Variants in COX10 observed in about 807,000 individuals in gnomAD.
COX10 encodes the protein protoheme IX farnesyltransferase, mitochondrial.
In COX10, 27 loss-of-function variants were observed where a neutral mutation model predicts 37.3. That is an observed-to-expected ratio of 0.72 (90% CI 0.53 to 1.00). The LOEUF (loss-of-function observed/expected upper bound fraction) is 1.00. COX10 is among the 50% of genes least tolerant of loss of function. The pLI, the probability that COX10 is intolerant of heterozygous loss-of-function variation, is 0.00. For synonymous variants in COX10, 222 were observed against 229.1 expected (o/e 0.97, Z 0.28); for missense variants, 475 against 563.2 (o/e 0.84, Z 1.59).
At chr17:14,161,560 T>C (rs931339026) in intron 5 of COX10, among the ~76,000 whole-genome samples, 2 of 152,100 alleles carry the variant, frequency 1.3e-5, no homozygotes, top group Non-Finnish European at 2.9e-5. Context: ...CAGAGGAGGA[T>C]AGTGTGTGAA....
At chr17:14,169,049 A>G (rs1311008540) in intron 5 of COX10, among the ~76,000 whole-genome samples, 1 of 152,178 alleles carries the variant, frequency 6.6e-6, no homozygotes, top group Non-Finnish European at 1.5e-5. Context: ...CGTAAGTTCC[A>G]ACTTCAGACC....
intron 4 of COX10, among the ~76,000 whole-genome samples, chr17:14,109,536 G>T (rs777644909): frequency 1.3e-5 from 2 of 152,160 alleles, no homozygotes; most frequent in Non-Finnish European, 2.9e-5. Flanking sequence ...TGATGACTCT[G>T]TGAGGTGGCA....
At chr17:14,200,690 C>T (rs1312136171) in intron 6 of COX10, among the ~76,000 whole-genome samples, 1 of 152,176 alleles carries the variant, frequency 6.6e-6, no homozygotes, top group Non-Finnish European at 1.5e-5. Flanking sequence ...TCAGAATTTT[C>T]TATGTTCACA....
chr17:14,202,000 T>C (rs749517187), intron 6 of COX10, among the ~76,000 whole-genome samples: 3 of 152,194 alleles, frequency 2.0e-5, no homozygotes, highest in Non-Finnish European at 4.4e-5. Context: ...CATTCCAACC[T>C]TTCCTCTGTC....
At chr17:14,201,080 T>C (rs980748267) in intron 6 of COX10, among the ~76,000 whole-genome samples, 1 of 152,130 alleles carries the variant, frequency 6.6e-6, no homozygotes, top group Non-Finnish European at 1.5e-5. Flanking sequence ...TTTGTTGTCA[T>C]AGATGACAGA....
At chr17:14,106,040 T>G (rs2142202936) in intron 4 of COX10, among the ~76,000 whole-genome samples, 1 of 152,112 alleles carries the variant, frequency 6.6e-6, no homozygotes, top group South Asian at 2.1e-4. Context: ...TGAGGTAGGG[T>G]TTCGCTCTTG....
chr17:14,164,945 G>T (rs181174829), intron 5 of COX10, among the ~76,000 whole-genome samples: 96 of 152,168 alleles, frequency 6.3e-4, no homozygotes, highest in African/African-American at 2.2e-3. Flanking sequence ...GGTCAAATGG[G>T]TTTGCCTAGG....
intron 4 of COX10, among the ~76,000 whole-genome samples, chr17:14,159,629 T>A (rs1905129115): frequency 6.6e-6 from 1 of 152,182 alleles, no homozygotes; most frequent in African/African-American, 2.4e-5. Flanking sequence ...CTTGTATGTT[T>A]AACAGGTGAT....
At chr17:14,146,834 G>T (rs1904733703) in intron 4 of COX10, among the ~76,000 whole-genome samples, 2 of 152,138 alleles carry the variant, frequency 1.3e-5, no homozygotes, top group African/African-American at 4.8e-5. Context: ...ATGGGCAAAA[G>T]ATTTGAATAG....
chr17:14,078,455 A>G (rs568968754), intron 3 of COX10, among the ~76,000 whole-genome samples: 1 of 152,254 alleles, frequency 6.6e-6, no homozygotes, highest in South Asian at 2.1e-4. Flanking sequence ...CGCTTCCTTC[A>G]GAGGAGAAAC....
chr17:14,116,534 C>T (rs1916113890), intron 4 of COX10, among the ~76,000 whole-genome samples: 2 of 152,142 alleles, frequency 1.3e-5, no homozygotes, highest in Admixed American at 1.3e-4. Flanking sequence ...ATCTCAGCTA[C>T]TGTCAATCCA....
In COX10 at chr17:14,102,128, A is replaced by G. The variant is rs1459839113; in HGVS notation, c.510A>G (p.Val170=). The G allele has an allele frequency of 1.9e-6, 3 of 1,613,568 alleles. No individual in the cohort carries two copies. The highest frequency in any genetic ancestry group is 4.5e-5 in the East Asian group (2 of 44,856). ...LSKIKLTALV[V]STTAAGFALA... is the part of the protein sequence containing the mutation. ...GTTTCTGTATCGCAGCTCTGGTTGT[A>G]AGTACCACTGCAGCTGGATTTGCAT... The change falls in exon 4 of 7, where the codon GTA becomes GTG. Residue 170 remains valine, a synonymous_variant. Coordinates refer to ENST00000261643, the MANE Select transcript of COX10 (RefSeq NM_001303.4).
Position 14,206,683 on chromosome 17 carries a change from G to A in COX10, c.929-127G>A, listed in dbSNP as rs12601148. ...CCACCCTGTGATGTAGGCAGGCAGC[G>A]ATGAGAGCACAGGGTGGCAGAGCTT... On this transcript the variant is annotated intron_variant, in intron 6 of 6. Coordinates refer to ENST00000261643, the MANE Select transcript of COX10 (RefSeq NM_001303.4). 472 of 1,212,670 alleles carry A rather than the reference G, an allele frequency of 3.9e-4. 3 individuals are homozygous for A. In the East Asian group the frequency reaches 8.2e-3, roughly 21 times the overall value. The allele number at this position is 1,212,670 out of a possible 1,614,324, so 75.1% of individuals were successfully genotyped here. A position where few individuals can be genotyped will look rare whatever the true frequency, so the allele number is the denominator to read the frequency against.
chr17:14,083,754 C>T (rs944367731), intron 3 of COX10, among the ~76,000 whole-genome samples: 1 of 152,174 alleles, frequency 6.6e-6, no homozygotes, highest in African/African-American at 2.4e-5. Flanking sequence ...CCTTGAGTTT[C>T]TCTTGCCAAC....
At chr17:14,164,290 A>G (rs923269627) in intron 5 of COX10, among the ~76,000 whole-genome samples, 46 of 152,194 alleles carry the variant, frequency 3.0e-4, no homozygotes, top group African/African-American at 1.1e-3. Context: ...AGTGATATGC[A>G]TTTATACAGT....
At chr17:14,074,255 G>T (rs990458514) in intron 1 of COX10, 68 bp from the exon 2 acceptor site, 21 of 1,586,236 alleles carry the variant, frequency 1.3e-5, no homozygotes, top group Non-Finnish European at 1.7e-5. Context: ...CTTCTGGGGA[G>T]GTGTAGTCAT....
At chr17:14,186,361 TCTC>T (rs1211816034) in intron 5 of COX10, among the ~76,000 whole-genome samples, 1 of 151,936 alleles carries the variant, frequency 6.6e-6, no homozygotes, top group African/African-American at 2.4e-5. Flanking sequence ...TTGCCATTCT[TCTC>T]CTCTTTGGCC....
chr17:14,127,391 CA>C (rs1330058018), intron 4 of COX10, among the ~76,000 whole-genome samples: 1 of 152,078 alleles, frequency 6.6e-6, no homozygotes, highest in East Asian at 1.9e-4. Flanking sequence ...ATTTTTACTC[CA>C]TTACCTCAGT....
chr17:14,085,014 G>A (rs79462552), intron 3 of COX10, among the ~76,000 whole-genome samples: 14 of 152,226 alleles, frequency 9.2e-5, no homozygotes, highest in African/African-American at 3.4e-4. Context: ...CATAGTCTGT[G>A]TTTTAATGTT....
Sources: allele counts gnomAD v4.1 joint callset (sites outside exome capture counted in the v4.1 genomes callset), GRCh38; gene constraint gnomAD v4.1.1; transcripts MANE v1.5; gene names NCBI Gene and HGNC (gene_info 2026-07-23, HGNC 2026-07-21).